The following GLIS3 variants were observed in gnomAD, a reference collection of about 807,000 sequenced individuals.
GLIS3 encodes zinc finger protein GLIS3.
A neutral mutation model predicts 78.6 loss-of-function variants in GLIS3; 53 were observed. The ratio of observed to expected loss-of-function variants is 0.67; its 90% confidence interval spans 0.54 to 0.85. The LOEUF (loss-of-function observed/expected upper bound fraction) is 0.85, where lower values mean the gene tolerates loss of function less well. GLIS3 is among the 40% of genes least tolerant of loss of function. The probability of loss-of-function intolerance (pLI) is 0.00; values close to 1 mark genes in which losing one functional copy is unlikely to be tolerated. For synonymous variants in GLIS3, 684 were observed against 509.9 expected (o/e 1.34, Z -4.60); for missense variants, 1,703 against 1,231.1 (o/e 1.38, Z -5.74).
rs566084414 is a variant in GLIS3, at chr9:3,927,720, T to C, written c.1983+4640A>G. Among the ~76,000 whole-genome samples the C allele has an allele frequency of 1.8e-4, 28 of 152,340 alleles. No individual in the cohort carries two copies. In the South Asian group the frequency reaches 2.7e-3, roughly 15 times the overall value. On this transcript the variant is annotated intron_variant, in intron 6 of 10. Coordinates refer to ENST00000381971, the MANE Select transcript of GLIS3 (RefSeq NM_001042413.2). ...AACCTCTCCTAAATCCTGCAAATTA[T>C]GGATTCTTACCTCTTTTTAAATGGC...
chr9:4,308,273 AAAG>A (rs1817279974), intron 4 of GLIS3, among the ~76,000 whole-genome samples: 1 of 152,058 alleles, frequency 6.6e-6, no homozygotes, highest in African/African-American at 2.4e-5. Flanking sequence ...AGGGCAGGAG[AAAG>A]AAGAAATAAG....
intron 2 of GLIS3, among the ~76,000 whole-genome samples, chr9:4,250,591 G>A (rs1824275336): frequency 6.6e-6 from 1 of 151,976 alleles, no homozygotes; most frequent in Admixed American, 6.6e-5. Flanking sequence ...TTTTTGAAGT[G>A]TTTCTGTGTC....
chr9:4,154,992 A>G (rs1270965336), intron 2 of GLIS3, among the ~76,000 whole-genome samples: 1 of 152,222 alleles, frequency 6.6e-6, no homozygotes, highest in Non-Finnish European at 1.5e-5. Context: ...GGAGTTTGTA[A>G]CACAATGTGG....
intron 2 of GLIS3, among the ~76,000 whole-genome samples, chr9:4,209,944 C>T (rs982399321): frequency 6.6e-6 from 1 of 152,146 alleles, no homozygotes. Context: ...CAAGACATCC[C>T]ATCCCCTCAT....
intron 4 of GLIS3, among the ~76,000 whole-genome samples, chr9:3,964,266 G>C (rs1427166541): frequency 6.6e-6 from 1 of 152,192 alleles, no homozygotes; most frequent in African/African-American, 2.4e-5. Flanking sequence ...CTCGGAGCAA[G>C]CTCATTTAAT....
intron 4 of GLIS3, among the ~76,000 whole-genome samples, chr9:4,097,066 C>T (rs2130782815): frequency 6.6e-6 from 1 of 152,094 alleles, no homozygotes; most frequent in South Asian, 2.1e-4. Flanking sequence ...GGGTGAGATA[C>T]GCTGGAAGCA....
intron 2 of GLIS3, among the ~76,000 whole-genome samples, chr9:4,278,715 T>C (rs913066570): frequency 1.1e-4 from 16 of 152,214 alleles, no homozygotes; most frequent in African/African-American, 3.9e-4. Flanking sequence ...ATGGATGCTA[T>C]GAAAGATTGT....
chr9:3,838,720 G>C (rs1158657687), intron 9 of GLIS3, among the ~76,000 whole-genome samples: 2 of 128,454 alleles, frequency 1.6e-5, no homozygotes, highest in South Asian at 5.9e-4. Context: ...AACAGTCTTT[G>C]AAAATACAAA....
chr9:4,290,910 T>C (rs1815912425), intron 1 of GLIS3, among the ~76,000 whole-genome samples: 1 of 152,140 alleles, frequency 6.6e-6, no homozygotes, highest in Non-Finnish European at 1.5e-5. Flanking sequence ...AAATTGAAAC[T>C]GGAGGATACT....
chr9:4,179,946 C>T (rs879289101), intron 2 of GLIS3, among the ~76,000 whole-genome samples: 1 of 151,978 alleles, frequency 6.6e-6, no homozygotes. Flanking sequence ...GCGTTAACAG[C>T]ATTTTTATGA....
At chr9:4,117,677 A>G in intron 4 of GLIS3, 91 bp downstream of exon 4, 1 of 1,484,158 alleles carries the variant, frequency 6.7e-7, no homozygotes, top group Non-Finnish European at 9.4e-7. Flanking sequence ...CCACGCATGC[A>G]AACTCCATGG....
the GLIS3 span, among the ~76,000 whole-genome samples, chr9:4,456,626 A>G: frequency 1.3e-5 from 2 of 152,204 alleles, no homozygotes; most frequent in Non-Finnish European, 2.9e-5. Context: ...TTGGCTTTCA[A>G]CATGCCTTCC....
intron 4 of GLIS3, chr9:4,034,795 A>G (rs913262396): frequency 1.1e-4 from 16 of 152,292 alleles, no homozygotes; most frequent in Admixed American, 2.6e-4. Context: ...CTCACACCCC[A>G]GAGTATGGAA....
At chr9:4,295,352 T>C (rs918240297) in intron 1 of GLIS3, among the ~76,000 whole-genome samples, 5 of 152,208 alleles carry the variant, frequency 3.3e-5, no homozygotes, top group African/African-American at 1.2e-4. Flanking sequence ...GTCATCAGAA[T>C]ATAAATATGG....
chr9:4,356,258 G>T, the GLIS3 span, among the ~76,000 whole-genome samples: 16 of 152,330 alleles, frequency 1.1e-4, no homozygotes, highest in African/African-American at 3.8e-4. Context: ...GAGCCGGAGA[G>T]ACTGGCCCAC....
chr9:4,054,822 C>T (rs532501881), intron 4 of GLIS3, among the ~76,000 whole-genome samples: 1 of 152,064 alleles, frequency 6.6e-6, no homozygotes, highest in South Asian at 2.1e-4. Flanking sequence ...GAGAAACTGT[C>T]AGTTTTCCAC....
the GLIS3 span, among the ~76,000 whole-genome samples, chr9:4,490,283 G>A: frequency 6.6e-6 from 1 of 152,244 alleles, no homozygotes; most frequent in African/African-American, 2.4e-5. Context: ...GGTTCCCGGA[G>A]AGGCCGCCCC....
intron 4 of GLIS3, among the ~76,000 whole-genome samples, chr9:4,053,723 A>AAAAAAAAAAAAAAAAT (rs33993580): frequency 1.3e-5 from 2 of 151,008 alleles, no homozygotes; most frequent in African/African-American, 2.4e-5. Context: ...AAAAAAAAAA[A>AAAAAAAAAAAAAAAAT]TTCTGGATAG....
chr9:4,360,835 C>T, the GLIS3 span, among the ~76,000 whole-genome samples: 4,569 of 152,254 alleles, frequency 0.03, 222 homozygotes, highest in African/African-American at 0.11. Flanking sequence ...CATTTCCTAG[C>T]CATGTGCATT....
Sources: gnomAD v4.1 joint callset for allele counts (sites outside exome capture counted in the v4.1 genomes callset) on GRCh38, gnomAD v4.1.1 for gene constraint, MANE v1.5 for transcripts, NCBI Gene and HGNC (gene_info 2026-07-23, HGNC 2026-07-21) for gene names.